The following MDGA2 variants were observed in gnomAD, a reference collection of about 807,000 sequenced individuals.
MDGA2 encodes MAM domain containing glycosylphosphatidylinositol anchor 2, also known as MAM domain-containing glycosylphosphatidylinositol anchor protein 2.
A neutral mutation model predicts 117.8 loss-of-function variants in MDGA2; 40 were observed. That is an observed-to-expected ratio of 0.34 (90% CI 0.26 to 0.44). MDGA2 has a LOEUF of 0.44. Among genes scored for constraint, MDGA2 ranks in the 20% least tolerant of loss-of-function variants. The pLI is 1.00. For missense variants in MDGA2, 1,123 were observed against 1,250.6 expected (o/e 0.90, Z 1.54); for synonymous variants, 452 against 439.0 (o/e 1.03, Z -0.37).
intron 11 of MDGA2, among the ~76,000 whole-genome samples, chr14:46,881,697 T>TA (rs1882466296): frequency 6.6e-6 from 1 of 152,048 alleles, no homozygotes; most frequent in African/African-American, 2.4e-5. Context: ...AATTTTGATC[T>TA]TTTTTTACTT....
At chr14:47,304,043 C>A (rs1766593479) in intron 1 of MDGA2, among the ~76,000 whole-genome samples, 1 of 152,128 alleles carries the variant, frequency 6.6e-6, no homozygotes, top group Non-Finnish European at 1.5e-5. Flanking sequence ...TCATCATGAA[C>A]CTACCACCTA....
intron 10 of MDGA2, among the ~76,000 whole-genome samples, chr14:46,906,944 C>T (rs982636382): frequency 6.8e-6 from 1 of 147,922 alleles, no homozygotes; most frequent in African/African-American, 2.5e-5. Context: ...ATCTCAATTA[C>T]AACACTGCAT....
intron 1 of MDGA2, among the ~76,000 whole-genome samples, chr14:47,433,026 C>G (rs1307824250): frequency 1.3e-5 from 2 of 152,004 alleles, no homozygotes; most frequent in Non-Finnish European, 2.9e-5. Flanking sequence ...GGAGCTGTCC[C>G]TGTGGTCACA....
intron 1 of MDGA2, among the ~76,000 whole-genome samples, chr14:47,319,026 C>A (rs1415944690): frequency 6.6e-6 from 1 of 152,100 alleles, no homozygotes; most frequent in Non-Finnish European, 1.5e-5. Context: ...GGAGTAAAGA[C>A]TAATTGCCTT....
chr14:47,575,929 C>T (rs772368718), intron 1 of MDGA2, among the ~76,000 whole-genome samples: 1 of 152,112 alleles, frequency 6.6e-6, no homozygotes, highest in Non-Finnish European at 1.5e-5. Context: ...CCACATGATG[C>T]ATTTTGGAAT....
intron 8 of MDGA2, among the ~76,000 whole-genome samples, chr14:47,010,527 T>G (rs754295482): frequency 6.4e-4 from 97 of 152,004 alleles, no homozygotes; most frequent in Non-Finnish European, 1.1e-3. Flanking sequence ...AAACTGATTA[T>G]TTAAATTCAT....
chr14:47,105,965 C>T (rs1880645352), intron 5 of MDGA2, among the ~76,000 whole-genome samples: 1 of 20,660 alleles, frequency 4.8e-5, no homozygotes, highest in African/African-American at 4.5e-4. Flanking sequence ...CAGTTTCGTT[C>T]CGTGACTAGC....
Position 46,901,117 on chromosome 14 carries a change from T to G in MDGA2, c.2238+18895A>C, listed in dbSNP as rs527610371. ...TACACAAATGACACACATGAATACT[T>G]ACACACAAACTTGTTATAGTAAATT... On this transcript the variant is annotated intron_variant, in intron 10 of 16. Transcript: ENST00000399232. Among the ~76,000 whole-genome samples the G allele has an allele frequency of 2.3e-4, 32 of 140,528 alleles. No individual in the cohort carries two copies. The South Asian group carries it at 7.0e-3, about 31-fold the overall frequency. The allele number at this position is 140,528 out of a possible 152,430, so 92.2% of individuals were successfully genotyped here.
At chr14:47,671,655 TA>T (rs1312222899) in intron 1 of MDGA2, among the ~76,000 whole-genome samples, 8 of 152,132 alleles carry the variant, frequency 5.3e-5, no homozygotes, top group Non-Finnish European at 1.0e-4. Flanking sequence ...TATAAGCAAA[TA>T]AAGGAATACA....
At chr14:46,922,936 C>T (rs1236021476) in intron 9 of MDGA2, among the ~76,000 whole-genome samples, 1 of 152,162 alleles carries the variant, frequency 6.6e-6, no homozygotes, top group African/African-American at 2.4e-5. Context: ...CAGGAAGTAG[C>T]TATCTTATTA....
chr14:47,038,598 A>G (rs1268593723), intron 7 of MDGA2, among the ~76,000 whole-genome samples: 1 of 152,142 alleles, frequency 6.6e-6, no homozygotes, highest in Non-Finnish European at 1.5e-5. Flanking sequence ...AAATTAGCCC[A>G]GGTTTTACAA....
chr14:47,567,253 C>A (rs1274198743), intron 1 of MDGA2, among the ~76,000 whole-genome samples: 2 of 152,084 alleles, frequency 1.3e-5, no homozygotes, highest in Admixed American at 6.6e-5. Context: ...AAACATCTAT[C>A]ATATGTAATT....
intron 1 of MDGA2, among the ~76,000 whole-genome samples, chr14:47,595,817 T>C (rs938741912): frequency 1.3e-5 from 2 of 152,308 alleles, no homozygotes; most frequent in East Asian, 3.9e-4. Flanking sequence ...TCAATGTTCT[T>C]ATATGATTAG....
chr14:47,194,647 A>G (rs1278138389), intron 3 of MDGA2, among the ~76,000 whole-genome samples: 1 of 152,058 alleles, frequency 6.6e-6, no homozygotes, highest in Non-Finnish European at 1.5e-5. Context: ...CAATAATAAA[A>G]CTACAGTATT....
chr14:46,918,882 C>T (rs1884010282), intron 10 of MDGA2, among the ~76,000 whole-genome samples: 1 of 151,602 alleles, frequency 6.6e-6, no homozygotes, highest in South Asian at 2.1e-4. Flanking sequence ...CTGCCTCAGC[C>T]TCCCGAGTAG....
intron 10 of MDGA2, among the ~76,000 whole-genome samples, chr14:46,905,472 G>A (rs1883452824): frequency 6.6e-6 from 1 of 151,796 alleles, no homozygotes; most frequent in Non-Finnish European, 1.5e-5. Flanking sequence ...ATACATAATT[G>A]TTGATACCAA....
intron 1 of MDGA2, among the ~76,000 whole-genome samples, chr14:47,581,681 CTCT>C (rs931686342): frequency 1.1e-4 from 17 of 151,938 alleles, no homozygotes; most frequent in African/African-American, 2.2e-4. Flanking sequence ...AGGTATAAAA[CTCT>C]TCTTCTCTTT....
At chr14:47,483,791 A>G (rs139439446) in intron 1 of MDGA2, among the ~76,000 whole-genome samples, 377 of 152,220 alleles carry the variant, frequency 2.5e-3, no homozygotes, top group Non-Finnish European at 3.5e-3. Flanking sequence ...ATCTATTTTC[A>G]TCTTGTAGTA....
At chr14:47,345,501 G>C (rs376215621) in intron 1 of MDGA2, among the ~76,000 whole-genome samples, 16 of 152,038 alleles carry the variant, frequency 1.1e-4, no homozygotes, top group African/African-American at 3.9e-4. Flanking sequence ...ACTCAAAGAT[G>C]TTTTTAAATT....
Sources: gnomAD v4.1 joint callset for allele counts (sites outside exome capture counted in the v4.1 genomes callset) on GRCh38, gnomAD v4.1.1 for gene constraint, MANE v1.5 for transcripts, NCBI Gene and HGNC (gene_info 2026-07-23, HGNC 2026-07-21) for gene names.